Variants in H1-3 observed in about 807,000 individuals in gnomAD.
H1-3 encodes histone H1.3.
H1-3 carries 4 observed loss-of-function variants against 3.6 expected under a neutral mutation model. That is an observed-to-expected ratio of 1.12 (90% confidence interval 0.55 to 2.57). The LOEUF is 2.57. Among genes scored for constraint, H1-3 ranks in the 30% most tolerant of loss-of-function variants. The pLI is 0.02. For synonymous variants in H1-3, 266 were observed against 110.0 expected (o/e 2.42, Z -8.87); for missense variants, 670 against 274.3 (o/e 2.44, Z -10.19).
chr6:26,234,489 T>G lies in H1-3; in HGVS notation c.445A>C (p.Lys149Gln). The change falls in exon 1 of 1, where the codon AAG (lysine) becomes CAG (glutamine). Residue 149 changes from lysine (K) to glutamine (Q), a missense_variant. Physicochemically the swap from Lys to Gln is moderately conservative, Grantham distance 53. Transcript: ENST00000244534. ...PKKVAGAATP[K>Q]KSIKKTPKKV... is the part of the protein sequence containing the mutation. ...TTAGGAGTCTTTTTGATGCTTTTCT[T>G]CGGGGTAGCGGCGCCAGCCACCTTC... is the stretch of plus-strand genomic sequence containing the variant. The G allele has an allele frequency of 6.2e-7, 1 of 1,614,108 alleles. No individual in the cohort carries two copies. Among genetic ancestry groups the G allele is most frequent in the East Asian group, 2.2e-5 (1 of 44,884 alleles).
chr6:26,234,218 G>A lies in H1-3; in HGVS notation c.*50C>T, dbSNP rs531375635. On this transcript the variant is annotated 3_prime_UTR_variant, in exon 1 of 1. Coordinates refer to ENST00000244534, the MANE Select transcript of H1-3 (RefSeq NM_005320.3). ...CTCTTTTGACTGAGACCTGTGGGTG[G>A]CTCTGAAAAGAGCCGTTTAAAATTT... 88 of 1,526,692 alleles carry A rather than the reference G, an allele frequency of 5.8e-5. No individual in the cohort carries two copies. The highest frequency in any genetic ancestry group is 1.9e-4 in the Admixed American group (9 of 46,272). The allele number at this position is 1,526,692 out of a possible 1,614,324, so 94.6% of individuals were successfully genotyped here.
In H1-3 at chr6:26,234,849, C is replaced by G. The variant is rs747537217; in HGVS notation, c.85G>C (p.Ala29Pro). The G allele has an allele frequency of 1.1e-5, 17 of 1,614,052 alleles. No homozygotes were observed. The highest frequency in any genetic ancestry group is 1.3e-5 in the African/African-American group (1 of 74,916). ...PVKKKAKKAG[A>P]TAGKRKASGP... is the part of the protein sequence containing the mutation. ...GATGCTTTGCGTTTCCCAGCAGTTGCGCCTGCCTTCTTCGCCTTTTTCTTC... is the reference window on the plus strand; with the variant it reads ...GATGCTTTGCGTTTCCCAGCAGTTGGGCCTGCCTTCTTCGCCTTTTTCTTC... The change falls in exon 1 of 1, where the codon GCA becomes CCA. Residue 29 changes from alanine to proline, a missense_variant. Ala to Pro is a conservative substitution (Grantham distance 27). Transcript: ENST00000244534.
rs369482120 is a variant in H1-3 at position 26,234,331 on chromosome 6, G to T, written c.603C>A (p.Ala201=). The change falls in exon 1 of 1, where the codon GCC becomes GCA. Residue 201 remains alanine (A), a synonymous_variant. Coordinates refer to ENST00000244534, the MANE Select transcript of H1-3 (RefSeq NM_005320.3). ...CCTTCGGCTTCCCCGACTTAGGCTT[G>T]GCCGCCTTGGGCTTAGGGGCTTTGG... is the stretch of plus-strand genomic sequence containing the variant. ...AKAKAPKPKA[A]KPKSGKPKVT... The T allele has an allele frequency of 6.2e-7, 1 of 1,613,696 alleles. No homozygotes were observed. Among genetic ancestry groups the T allele is most frequent in the Middle Eastern group, 1.7e-4 (1 of 6,056 alleles).
Position 26,234,457 on chromosome 6 carries a change from T to C in H1-3, c.477A>G (p.Val159=), listed in dbSNP as rs898769791. The C allele has an allele frequency of 2.0e-5, 33 of 1,614,106 alleles. No homozygotes were observed. In the Middle Eastern group the frequency reaches 5.0e-4, roughly 24 times the overall value. The change falls in exon 1 of 1, where the codon GTA becomes GTG. Residue 159 remains valine, a synonymous_variant. Transcript: ENST00000244534. ...KKSIKKTPKK[V]KKPATAAGTK... ...TCCCAGCAGCGGTTGCTGGCTTCTT[T>C]ACCTTCTTAGGAGTCTTTTTGATGC...
At position 26,234,590 on chromosome 6, in the gene H1-3, C is replaced by A; in HGVS notation, c.344G>T (p.Gly115Val). ...CTTTTTGGCCTTGGGTTTGCCTTCC[C>A]CGGAAGCCGCTTTCTTGTTGAGTTT... Reference protein sequence around the residue: ...SFKLNKKAASGEGKPKAKKAG... With the variant: ...SFKLNKKAASVEGKPKAKKAG... The change falls in exon 1 of 1, where the codon GGG becomes GTG. Residue 115 changes from glycine to valine, a missense_variant. By Grantham distance (109) the Gly-to-Val change is moderately radical. Transcript: ENST00000244534. 6.2e-7 allele frequency: 1 copy of A among 1,613,908 alleles called. No homozygotes were observed. The highest frequency in any genetic ancestry group is 1.1e-5 in the South Asian group (1 of 91,074).
rs998724474 is a variant in H1-3, at chr6:26,234,225, A to G, written c.*43T>C. The G allele has an allele frequency of 6.5e-7, 1 of 1,548,462 alleles. No individual in the cohort carries two copies. The highest frequency in any genetic ancestry group is 1.4e-5 in the African/African-American group (1 of 72,036). On this transcript the variant is annotated 3_prime_UTR_variant, in exon 1 of 1. Coordinates refer to ENST00000244534, the MANE Select transcript of H1-3 (RefSeq NM_005320.3). ...GACTGAGACCTGTGGGTGGCTCTGA[A>G]AAGAGCCGTTTAAAATTTTCAAAGG...
rs1759743118 is a variant in H1-3, at chr6:26,234,633, C to T, written c.301G>A (p.Gly101Ser). Residue 101 changes from glycine (G) to serine (S), a missense_variant, in exon 1 of 1, where the codon GGT becomes AGT. Gly to Ser is a moderately conservative substitution (Grantham distance 56). Coordinates refer to ENST00000244534, the MANE Select transcript of H1-3 (RefSeq NM_005320.3). The stretch of plus-strand genomic sequence containing the variant: ...TTGAGTTTGAAGGAGCCAGAAGCAC[C>T]GGTACCTTTGGTCTGCACCAGAGTA... Reference protein sequence around the residue: ...KGTLVQTKGTGASGSFKLNKK... With the variant: ...KGTLVQTKGTSASGSFKLNKK... 1 of 1,614,152 alleles carries T rather than the reference C, an allele frequency of 6.2e-7. No homozygotes were observed. Among genetic ancestry groups the T allele is most frequent in the Non-Finnish European group, 8.5e-7 (1 of 1,180,020 alleles).
Position 26,234,681 on chromosome 6 carries a change from G to A in H1-3, c.253C>T (p.Leu85Phe), listed in dbSNP as rs200751379. 1 of 1,614,152 alleles carries A rather than the reference G, an allele frequency of 6.2e-7. No individual in the cohort carries two copies. The highest frequency in any genetic ancestry group is 8.5e-7 in the Non-Finnish European group (1 of 1,180,032). The change falls in exon 1 of 1, where the codon CTC becomes TTC. Residue 85 changes from leucine to phenylalanine, a missense_variant. By Grantham distance (22) the Leu-to-Phe change is conservative (BLOSUM62 0). Coordinates refer to ENST00000244534, the MANE Select transcript of H1-3 (RefSeq NM_005320.3). ...GTACCTTTGCTCACCAAGCTCTTGA[G>A]GCCAAGCTTGATACGGCTGTTGTTT... ...EKNNSRIKLG[L>F]KSLVSKGTLV... is the part of the protein sequence containing the mutation.
rs1759739294 is a variant in H1-3, at chr6:26,234,539, GGCTTCC to G, written c.389_394del (p.Arg130_Pro132delinsThr). On this transcript the variant is annotated inframe_deletion, in exon 1 of 1. Transcript: ENST00000244534. ...CTTGGGCTTCTTGGCTGCCCCAGCA[GGCTTCC>G]TAGGCTTGGCTGCGCCAGCCTTTTT... 6.2e-7 allele frequency: 1 copy of G among 1,612,338 alleles called. No individual in the cohort carries two copies. The highest frequency in any genetic ancestry group is 8.5e-7 in the Non-Finnish European group (1 of 1,179,616).
In H1-3 at chr6:26,234,443, G is replaced by A. The variant is rs761772703; in HGVS notation, c.491C>T (p.Thr164Ile). The change falls in exon 1 of 1, where the codon ACC becomes ATC. Residue 164 changes from threonine to isoleucine, a missense_variant. Thr to Ile is a moderately conservative substitution (Grantham distance 89). Transcript: ENST00000244534. ...GGCCACTTTCTTGGTCCCAGCAGCG[G>A]TTGCTGGCTTCTTTACCTTCTTAGG... is the stretch of plus-strand genomic sequence containing the variant. ...KTPKKVKKPA[T>I]AAGTKKVAKS... is the part of the protein sequence containing the mutation. 6.8e-6 allele frequency: 11 copies of A among 1,614,122 alleles called. No homozygotes were observed. Among genetic ancestry groups the A allele is most frequent in the Admixed American group, 5.0e-5 (3 of 60,030 alleles).
Position 26,234,748 on chromosome 6 carries a change from C to A in H1-3, c.186G>T (p.Ala62=), listed in dbSNP as rs150400552. The A allele has an allele frequency of 3.2e-5, 52 of 1,613,948 alleles. No homozygotes were observed. In the African/African-American group the frequency reaches 4.1e-4, roughly 13 times the overall value. The change falls in exon 1 of 1, where the codon GCG becomes GCT. Residue 62 remains alanine, a synonymous_variant. Coordinates refer to ENST00000244534, the MANE Select transcript of H1-3 (RefSeq NM_005320.3). ...CAGCAGCCGCAAGCGCTTTCTTAAG[C>A]GCGGCCAGAGAAACGCCGCTGCGCT... ...SKERSGVSLA[A]LKKALAAAGY...
chr6:26,234,657 T>C lies in H1-3; in HGVS notation c.277A>G (p.Thr93Ala), dbSNP rs919969528. The change falls in exon 1 of 1, where the codon ACT becomes GCT. Residue 93 changes from threonine (T) to alanine (A), a missense_variant. Thr to Ala is a moderately conservative substitution (Grantham distance 58, BLOSUM62 0). Coordinates refer to ENST00000244534, the MANE Select transcript of H1-3 (RefSeq NM_005320.3). ...CCGGTACCTTTGGTCTGCACCAGAG[T>C]ACCTTTGCTCACCAAGCTCTTGAGG... Reference protein sequence around the residue: ...LGLKSLVSKGTLVQTKGTGAS... With the variant: ...LGLKSLVSKGALVQTKGTGAS... 6.2e-7 allele frequency: 1 copy of C among 1,614,152 alleles called. No individual in the cohort carries two copies. Among genetic ancestry groups the C allele is most frequent in the Non-Finnish European group, 8.5e-7 (1 of 1,180,014 alleles).
rs201072809 is a variant in H1-3 at position 26,234,250 on chromosome 6, G to T, written c.*18C>A. 22 of 1,577,122 alleles carry T rather than the reference G, an allele frequency of 1.4e-5. No individual in the cohort carries two copies. Among genetic ancestry groups the T allele is most frequent in the Non-Finnish European group, 1.8e-5 (21 of 1,168,302 alleles). The stretch of plus-strand genomic sequence containing the variant: ...AAAGAGCCGTTTAAAATTTTCAAAG[G>T]GGAACGTCCCGCCAGTTTCACTTTT... On this transcript the variant is annotated 3_prime_UTR_variant, in exon 1 of 1. Transcript: ENST00000244534.
Position 26,234,523 on chromosome 6 carries a change from C to T in H1-3, c.411G>A (p.Lys137=), listed in dbSNP as rs145040354. The stretch of plus-strand genomic sequence containing the variant: ...CGGCGCCAGCCACCTTCTTGGGCTT[C>T]TTGGCTGCCCCAGCAGGCTTCCTAG... The part of the protein sequence containing the change: ...AKPRKPAGAA[K]KPKKVAGAAT... The change falls in exon 1 of 1, where the codon AAG becomes AAA. Residue 137 remains lysine (K), a synonymous_variant. Coordinates refer to ENST00000244534, the MANE Select transcript of H1-3 (RefSeq NM_005320.3). The T allele has an allele frequency of 1.5e-4, 248 of 1,613,762 alleles. 1 individual carries two copies. The East Asian group carries it at 5.0e-3, about 32-fold the overall frequency.
In H1-3 at chr6:26,234,814, T is replaced by G. The variant is rs1306067233; in HGVS notation, c.120A>C (p.Pro40=). Residue 40 remains proline (P), a synonymous_variant, in exon 1 of 1, where the codon CCA becomes CCC. Coordinates refer to ENST00000244534, the MANE Select transcript of H1-3 (RefSeq NM_005320.3). ...CTGCCTTGGTGATAAGCTCAGATAC[T>G]GGGGGTCCGGATGCTTTGCGTTTCC... The part of the protein sequence containing the change: ...TAGKRKASGP[P]VSELITKAVA... 1 of 1,614,234 alleles carries G rather than the reference T, an allele frequency of 6.2e-7. No individual in the cohort carries two copies. Among genetic ancestry groups the G allele is most frequent in the Admixed American group, 1.7e-5 (1 of 60,036 alleles).
Position 26,234,777 on chromosome 6 carries a change from T to TA in H1-3, c.156dup (p.Lys53Ter). On this transcript the variant is annotated frameshift_variant, in exon 1 of 1. Coordinates refer to ENST00000244534, the MANE Select transcript of H1-3 (RefSeq NM_005320.3). LOFTEE classifies it high-confidence loss of function. ...GCCAGAGAAACGCCGCTGCGCTCCT[T>TA]AGAAGCTGCCACTGCCTTGGTGATA... 2 of 1,614,244 alleles carry TA rather than the reference T, an allele frequency of 1.2e-6. No individual in the cohort carries two copies. Among genetic ancestry groups the TA allele is most frequent in the Non-Finnish European group, 1.7e-6 (2 of 1,180,042 alleles).
Position 26,234,862 on chromosome 6 carries a change from C to T in H1-3, c.72G>A (p.Ala24=), listed in dbSNP as rs201889816. The stretch of plus-strand genomic sequence containing the variant: ...TCCCAGCAGTTGCGCCTGCCTTCTT[C>T]GCCTTTTTCTTCACAGGTGTTTTTT... The part of the protein sequence containing the change: ...PAEKTPVKKK[A]KKAGATAGKR... The change falls in exon 1 of 1, where the codon GCG becomes GCA. Residue 24 remains alanine (A), a synonymous_variant. Coordinates refer to ENST00000244534, the MANE Select transcript of H1-3 (RefSeq NM_005320.3). The T allele has an allele frequency of 7.7e-5, 124 of 1,613,960 alleles. No individual in the cohort carries two copies. The East Asian group carries it at 9.8e-4, about 13-fold the overall frequency.
chr6:26,234,449 G>A lies in H1-3; in HGVS notation c.485C>T (p.Pro162Leu), dbSNP rs889237654. The change falls in exon 1 of 1, where the codon CCA becomes CTA. Residue 162 changes from proline to leucine, a missense_variant. By Grantham distance (98) the Pro-to-Leu change is moderately conservative. Coordinates refer to ENST00000244534, the MANE Select transcript of H1-3 (RefSeq NM_005320.3). ...IKKTPKKVKK[P>L]ATAAGTKKVA... is the part of the protein sequence containing the mutation. Reference sequence around the variant, plus strand: ...TTTCTTGGTCCCAGCAGCGGTTGCTGGCTTCTTTACCTTCTTAGGAGTCTT... The same window carrying A: ...TTTCTTGGTCCCAGCAGCGGTTGCTAGCTTCTTTACCTTCTTAGGAGTCTT... 5 of 1,614,068 alleles carry A rather than the reference G, an allele frequency of 3.1e-6. No homozygotes were observed. The highest frequency in any genetic ancestry group is 1.1e-5 in the South Asian group (1 of 91,082).
In H1-3 at chr6:26,234,407, T is replaced by C. The variant is rs763146366; in HGVS notation, c.527A>G (p.Lys176Arg). The C allele has an allele frequency of 1.2e-6, 2 of 1,614,222 alleles. No individual in the cohort carries two copies. Among genetic ancestry groups the C allele is most frequent in the South Asian group, 1.1e-5 (1 of 91,092 alleles). The stretch of plus-strand genomic sequence containing the variant: ...TTTTGGCTGAGGTGTTTTCACCTTT[T>C]TCGCACTCTTGGCCACTTTCTTGGT... ...AGTKKVAKSA[K>R]KVKTPQPKKA... is the part of the protein sequence containing the mutation. The change falls in exon 1 of 1, where the codon AAA becomes AGA. Residue 176 changes from lysine to arginine, a missense_variant. By Grantham distance (26) the Lys-to-Arg change is conservative. Coordinates refer to ENST00000244534, the MANE Select transcript of H1-3 (RefSeq NM_005320.3).
Sources: allele counts gnomAD v4.1 joint callset, GRCh38; gene constraint gnomAD v4.1.1; transcripts MANE v1.5; gene names NCBI Gene and HGNC (gene_info 2026-07-23, HGNC 2026-07-21).